Variants in FAM81A observed in about 807,000 individuals in gnomAD.
FAM81A encodes protein FAM81A.
A neutral mutation model predicts 46.7 loss-of-function variants in FAM81A; 19 were observed. The observed-to-expected ratio is 0.41, with a 90% CI of 0.28 to 0.60. The LOEUF (loss-of-function observed/expected upper bound fraction) is 0.60. Ranked by LOEUF, FAM81A falls within the 20% of genes least tolerant of loss-of-function variation. The pLI, the probability that FAM81A is intolerant of heterozygous loss-of-function variation, is 0.34. For synonymous variants in FAM81A, 183 were observed against 152.9 expected, an observed-to-expected ratio of 1.20 and a Z score of -1.45; for missense variants, 377 against 453.5, an observed-to-expected ratio of 0.83 and a Z score of 1.53.
At chr15:59,451,132 G>A (rs1456806599) in intron 1 of FAM81A, among the ~76,000 whole-genome samples, 2 of 152,160 alleles carry the variant, frequency 1.3e-5, no homozygotes, top group African/African-American at 2.4e-5. Flanking sequence ...GCATTGTTAG[G>A]GTGATCAGAG....
intron 3 of FAM81A, among the ~76,000 whole-genome samples, chr15:59,470,252 C>G (rs1033082677): frequency 3.2e-4 from 49 of 152,226 alleles, no homozygotes; most frequent in African/African-American, 1.2e-3. Flanking sequence ...GAATGTTGGC[C>G]TGGCTAGGTT....
At chr15:59,445,942 C>T (rs1488343341) in intron 1 of FAM81A, among the ~76,000 whole-genome samples, 7 of 152,170 alleles carry the variant, frequency 4.6e-5, no homozygotes, top group Non-Finnish European at 7.3e-5. Flanking sequence ...TGTGAGTGCC[C>T]GGGCCCACTG....
At chr15:59,400,475 A>G (rs1178091593) in intron 1 of FAM81A, among the ~76,000 whole-genome samples, 1 of 152,064 alleles carries the variant, frequency 6.6e-6, no homozygotes, top group African/African-American at 2.4e-5. Flanking sequence ...TACCCCATGA[A>G]TCACACTACA....
At chr15:59,514,185 C>G in intron 6 of FAM81A, 104 bp from the exon 7 acceptor site, 1 of 1,181,168 alleles carries the variant, frequency 8.5e-7, no homozygotes, top group Non-Finnish European at 1.2e-6. Flanking sequence ...ACATGTTTAC[C>G]TGTGTAACAA....
intron 4 of FAM81A, among the ~76,000 whole-genome samples, chr15:59,497,552 A>G (rs2082047292): frequency 6.6e-6 from 1 of 152,158 alleles, no homozygotes; most frequent in Non-Finnish European, 1.5e-5. Context: ...GAATATTGCC[A>G]TTTTAAAAAT....
chr15:59,436,183 G>A (rs2081242133), upstream of FAM81A, among the ~76,000 whole-genome samples: 1 of 152,182 alleles, frequency 6.6e-6, no homozygotes, highest in African/African-American at 2.4e-5. Flanking sequence ...TATGGCAAGA[G>A]CCCCTCACCT....
intron 2 of FAM81A, among the ~76,000 whole-genome samples, chr15:59,403,985 G>A (rs1455942107): frequency 6.6e-6 from 1 of 151,270 alleles, no homozygotes; most frequent in East Asian, 1.9e-4. Flanking sequence ...CTGGGTTCAA[G>A]CGATTCTCCT....
chr15:59,427,542 C>T (rs1406047193), intron 2 of FAM81A, among the ~76,000 whole-genome samples: 4 of 152,070 alleles, frequency 2.6e-5, no homozygotes, highest in African/African-American at 9.7e-5. Context: ...ATCCACACTG[C>T]CCCGCTAGGC....
intron 1 of FAM81A, among the ~76,000 whole-genome samples, chr15:59,441,939 C>A (rs2081302374): frequency 6.6e-6 from 1 of 152,218 alleles, no homozygotes; most frequent in Non-Finnish European, 1.5e-5. Flanking sequence ...TCACTGGGCG[C>A]CCTCGCCCAC....
intron 2 of FAM81A, among the ~76,000 whole-genome samples, chr15:59,422,084 ATT>A (rs571977523): frequency 1.5e-3 from 227 of 152,220 alleles, no homozygotes; most frequent in African/African-American, 5.2e-3. Context: ...AAAATTAAGC[ATT>A]TTAAAGTATT....
Position 59,460,351 on chromosome 15 carries a change from C to A in FAM81A, c.294+145C>A. The stretch of plus-strand genomic sequence containing the variant: ...TGTCTTGTCTATTCTTAATGATCGC[C>A]AAGGAGACAGCTTGCAGAAATATCC... On this transcript the variant is annotated intron_variant, in intron 3 of 8. Coordinates refer to ENST00000288228, the MANE Select transcript of FAM81A (RefSeq NM_152450.3). The surrounding 1 kb of genome is among the most constrained non-coding windows in gnomAD (Gnocchi z 4.4). 1 of 1,061,170 alleles carries A rather than the reference C, an allele frequency of 9.4e-7. No homozygotes were observed. Among genetic ancestry groups the A allele is most frequent in the Non-Finnish European group, 1.5e-6 (1 of 687,218 alleles). The allele number at this position is 1,061,170 out of a possible 1,614,324, so 65.7% of individuals were successfully genotyped here.
At chr15:59,487,773 G>C (rs2081936114) in intron 3 of FAM81A, among the ~76,000 whole-genome samples, 1 of 152,158 alleles carries the variant, frequency 6.6e-6, no homozygotes, top group South Asian at 2.1e-4. Context: ...AAACCTCCTA[G>C]CAAAGAAAAG....
At chr15:59,506,514 A>G (rs1343838394) in intron 4 of FAM81A, among the ~76,000 whole-genome samples, 3 of 152,206 alleles carry the variant, frequency 2.0e-5, no homozygotes, top group African/African-American at 7.2e-5. Context: ...TTCTGTCTCT[A>G]CTGAGCCCAG....
chr15:59,512,823 G>T (rs1429191880), intron 6 of FAM81A, among the ~76,000 whole-genome samples: 1 of 152,216 alleles, frequency 6.6e-6, no homozygotes, highest in African/African-American at 2.4e-5. Flanking sequence ...GACAGGGAGA[G>T]AGTCCAGGGC....
chr15:59,422,630 C>G (rs1420379074), intron 2 of FAM81A, among the ~76,000 whole-genome samples: 1 of 152,034 alleles, frequency 6.6e-6, no homozygotes, highest in Non-Finnish European at 1.5e-5. Flanking sequence ...GTGCCTGCCA[C>G]CACGCTCAGC....
intron 2 of FAM81A, among the ~76,000 whole-genome samples, chr15:59,426,714 C>G (rs2081196534): frequency 6.6e-6 from 1 of 152,186 alleles, no homozygotes; most frequent in Non-Finnish European, 1.5e-5. Flanking sequence ...TAGACATTAT[C>G]TAGTCACTTC....
chr15:59,487,752 A>G (rs920809321), intron 3 of FAM81A, among the ~76,000 whole-genome samples: 16 of 152,170 alleles, frequency 1.1e-4, no homozygotes, highest in African/African-American at 3.6e-4. Context: ...ACGAGATTGA[A>G]GCCATAATAA....
intron 3 of FAM81A, among the ~76,000 whole-genome samples, chr15:59,491,429 T>G (rs1256631032): frequency 6.6e-6 from 1 of 151,026 alleles, no homozygotes; most frequent in Non-Finnish European, 1.5e-5. Context: ...AGAAGGATAG[T>G]GGGGGGTGGG....
intron 4 of FAM81A, among the ~76,000 whole-genome samples, chr15:59,499,121 A>T (rs4553562): frequency 0.65 from 98,567 of 152,038 alleles, 32,547 homozygotes; most frequent in African/African-American, 0.78. Context: ...GTGGGGTTTG[A>T]CCTTTTTTCA....
Sources: gnomAD v4.1 joint callset for allele counts (sites outside exome capture counted in the v4.1 genomes callset) on GRCh38, gnomAD v4.1.1 for gene constraint, Gnocchi (gnomAD v3.1) non-coding constraint, MANE v1.5 for transcripts, NCBI Gene and HGNC (gene_info 2026-07-23, HGNC 2026-07-21) for gene names.